Variants in NYAP2 observed in about 807,000 individuals in gnomAD.
NYAP2 encodes the protein neuronal tyrosine-phosphorylated phosphoinositide-3-kinase adapter 2.
Under a neutral mutation model 50.4 loss-of-function variants are expected in NYAP2, and 23 were observed. That is an observed-to-expected ratio of 0.46 (90% confidence interval 0.33 to 0.65). NYAP2 has a LOEUF of 0.65. NYAP2 is among the 30% of genes least tolerant of loss of function. The pLI, the probability that NYAP2 is intolerant of heterozygous loss-of-function variation, is 0.02. For synonymous variants in NYAP2, 394 were observed against 365.2 expected (o/e 1.08, Z -0.90); for missense variants, 885 against 861.0 (o/e 1.03, Z -0.35).
At chr2:225,695,203 T>C in the NYAP2 span, among the ~76,000 whole-genome samples, 3 of 151,800 alleles carry the variant, frequency 2.0e-5, no homozygotes, top group Non-Finnish European at 4.4e-5. Flanking sequence ...TGAAATGTTA[T>C]GCAACTGTGA....
chr2:225,598,456 CTG>C (rs1226116483), intron 5 of NYAP2, among the ~76,000 whole-genome samples: 3 of 152,174 alleles, frequency 2.0e-5, no homozygotes, highest in East Asian at 3.9e-4. Context: ...GGATGGAAGA[CTG>C]TTAAAAAATA....
chr2:225,546,916 C>G (rs1354567328), intron 4 of NYAP2, among the ~76,000 whole-genome samples: 1 of 152,098 alleles, frequency 6.6e-6, no homozygotes, highest in African/African-American at 2.4e-5. Context: ...TAAATCCTTC[C>G]AGGACTGGGT....
intron 4 of NYAP2, among the ~76,000 whole-genome samples, chr2:225,536,144 T>A (rs186547366): frequency 1.9e-4 from 29 of 152,328 alleles, no homozygotes; most frequent in African/African-American, 7.0e-4. Flanking sequence ...TTCTCAAAAA[T>A]AAATCTAGTT....
chr2:225,488,252 A>G (rs1210355572), intron 3 of NYAP2, among the ~76,000 whole-genome samples: 1 of 152,252 alleles, frequency 6.6e-6, no homozygotes, highest in Non-Finnish European at 1.5e-5. Flanking sequence ...CAGGAAAAGA[A>G]TGATAATCCT....
chr2:225,664,369 G>T, the NYAP2 span, among the ~76,000 whole-genome samples: 1 of 152,120 alleles, frequency 6.6e-6, no homozygotes, highest in South Asian at 2.1e-4. Context: ...GAAATCTCTT[G>T]CTGTCTCAAT....
chr2:225,693,403 A>C, the NYAP2 span, among the ~76,000 whole-genome samples: 2 of 152,182 alleles, frequency 1.3e-5, no homozygotes, highest in African/African-American at 4.8e-5. Flanking sequence ...TGGTCTCATC[A>C]CATTATACCA....
Position 225,427,912 on chromosome 2 carries a change from C to A in NYAP2, c.221+18811C>A, listed in dbSNP as rs144245301. Among the ~76,000 whole-genome samples the A allele has an allele frequency of 7.7e-3, 1,175 of 152,170 alleles. 18 individuals carry two copies. The highest frequency in any genetic ancestry group is 0.026 in the African/African-American group (1,093 of 41,518). On this transcript the variant is annotated intron_variant, in intron 3 of 6. Coordinates refer to ENST00000636099, the Ensembl canonical transcript of NYAP2. The stretch of plus-strand genomic sequence containing the variant: ...AGCATTTTATTCCAAAACAAAAAAC[C>A]TAAAAAACAATGACTCTCCTTCCTC...
chr2:225,581,048 C>T (rs182235467), intron 4 of NYAP2, among the ~76,000 whole-genome samples: 8 of 152,322 alleles, frequency 5.3e-5, no homozygotes, highest in South Asian at 2.1e-4. Flanking sequence ...CAGCCTCTTC[C>T]GTGCTATTGT....
intron 5 of NYAP2, among the ~76,000 whole-genome samples, chr2:225,605,928 T>G (rs1459514660): frequency 6.6e-6 from 1 of 152,158 alleles, no homozygotes. Context: ...AAAAATATGT[T>G]AAGTGTTGCT....
intron 4 of NYAP2, among the ~76,000 whole-genome samples, chr2:225,574,739 A>G (rs935668071): frequency 1.3e-4 from 20 of 152,108 alleles, no homozygotes; most frequent in African/African-American, 2.9e-4. Context: ...TCTCTACTTA[A>G]GGCTATGGTC....
chr2:225,674,088 T>C, the NYAP2 span, among the ~76,000 whole-genome samples: 11 of 152,038 alleles, frequency 7.2e-5, no homozygotes. Context: ...CTAAAAGAGT[T>C]TCAGTAAGTA....
At chr2:225,409,407 A>G (rs1417803889) in intron 3 of NYAP2, among the ~76,000 whole-genome samples, 2 of 152,106 alleles carry the variant, frequency 1.3e-5, no homozygotes, top group African/African-American at 2.4e-5. Flanking sequence ...ACGCAAGGGA[A>G]CACACAAACC....
chr2:225,601,986 A>G (rs1692700098), intron 5 of NYAP2, among the ~76,000 whole-genome samples: 2 of 152,212 alleles, frequency 1.3e-5, no homozygotes, highest in South Asian at 2.1e-4. Context: ...AGTTATTGCC[A>G]TGATTTTTTT....
At chr2:225,419,764 C>G (rs917557170) in intron 3 of NYAP2, among the ~76,000 whole-genome samples, 2 of 152,108 alleles carry the variant, frequency 1.3e-5, no homozygotes, top group African/African-American at 4.8e-5. Flanking sequence ...ATCTTTATCA[C>G]TTAATGTGAC....
intron 3 of NYAP2, among the ~76,000 whole-genome samples, chr2:225,490,694 A>G (rs1198957899): frequency 1.3e-5 from 2 of 152,208 alleles, no homozygotes; most frequent in South Asian, 4.1e-4. Flanking sequence ...TGACTCAGAG[A>G]GGAACCTGAC....
chr2:225,535,690 C>G (rs1691335906), intron 4 of NYAP2, among the ~76,000 whole-genome samples: 1 of 152,044 alleles, frequency 6.6e-6, no homozygotes. Flanking sequence ...TATAGACGTA[C>G]AGGGGTCAGA....
downstream of NYAP2, among the ~76,000 whole-genome samples, chr2:225,656,032 A>C (rs529644969): frequency 1.2e-4 from 18 of 152,274 alleles, no homozygotes; most frequent in South Asian, 2.7e-3. Flanking sequence ...TACAAAGCTA[A>C]GAGTGACCCA....
rs553530528 is a variant in NYAP2, at chr2:225,485,166, C to T, written c.222-28205C>T. The stretch of plus-strand genomic sequence containing the variant: ...GGTGGTTTCCCCCATACTGTTCTCT[C>T]GTGATAGTGAGTCTCTGATGGTTTT... On this transcript the variant is annotated intron_variant, in intron 3 of 6. Coordinates refer to ENST00000636099, the Ensembl canonical transcript of NYAP2. Among the ~76,000 whole-genome samples, 8 of 152,142 alleles carry T rather than the reference C, an allele frequency of 5.3e-5. No individual in the cohort carries two copies. The East Asian group carries it at 9.6e-4, about 18-fold the overall frequency.
intron 5 of NYAP2, among the ~76,000 whole-genome samples, chr2:225,621,100 G>A (rs565909884): frequency 2.9e-5 from 4 of 140,006 alleles, no homozygotes; most frequent in African/African-American, 5.5e-5. Context: ...GGCGACCAGC[G>A]AGACTCCGTC....
Sources: allele counts gnomAD v4.1 joint callset (sites outside exome capture counted in the v4.1 genomes callset), GRCh38; gene constraint gnomAD v4.1.1; transcripts MANE v1.5; gene names NCBI Gene and HGNC (gene_info 2026-07-23, HGNC 2026-07-21).